The following AFAP1 variants were observed in gnomAD, a reference collection of about 807,000 sequenced individuals.
AFAP1 encodes the protein actin filament-associated protein 1.
Under a neutral mutation model 93.9 loss-of-function variants are expected in AFAP1, and 75 were observed. That is an observed-to-expected ratio of 0.80 (90% CI 0.66 to 0.97). The LOEUF (loss-of-function observed/expected upper bound fraction) is 0.97, where lower values mean the gene tolerates loss of function less well. Ranked by LOEUF, AFAP1 falls within the 50% of genes least tolerant of loss-of-function variation. The pLI is 0.00. For missense variants in AFAP1, 1,201 were observed against 1,050.8 expected, an observed-to-expected ratio of 1.14 and a Z score of -1.98; for synonymous variants, 517 against 430.7, an observed-to-expected ratio of 1.20 and a Z score of -2.48.
intron 6 of AFAP1, among the ~76,000 whole-genome samples, chr4:7,820,870 A>G (rs1282498980): frequency 1.3e-5 from 2 of 152,094 alleles, no homozygotes; most frequent in East Asian, 1.9e-4. Flanking sequence ...TGTAATCCCA[A>G]TGCTTTGGGA....
At chr4:7,846,648 T>C (rs1713735862) in intron 4 of AFAP1, among the ~76,000 whole-genome samples, 1 of 152,218 alleles carries the variant, frequency 6.6e-6, no homozygotes, top group Admixed American at 6.5e-5. Flanking sequence ...ATTCCACAAA[T>C]ATGTTGTGAG....
At chr4:7,857,881 GAC>G (rs144820992) in intron 3 of AFAP1, among the ~76,000 whole-genome samples, 14,181 of 152,104 alleles carry the variant, frequency 0.093, 1,221 homozygotes, top group East Asian at 0.48. Context: ...GTTCTGAGCA[GAC>G]ACTTTCAAAC....
At chr4:7,770,030 G>A (rs983797716) in intron 16 of AFAP1, among the ~76,000 whole-genome samples, 10 of 152,336 alleles carry the variant, frequency 6.6e-5, no homozygotes, top group Non-Finnish European at 1.2e-4. Context: ...GGGGTCCACC[G>A]AATAAGCCAC....
chr4:7,915,119 G>A (rs140751978), intron 1 of AFAP1, among the ~76,000 whole-genome samples: 3,298 of 152,226 alleles, frequency 0.022, 118 homozygotes, highest in African/African-American at 0.074. Context: ...CCTGACATCC[G>A]GTGATCTGCC....
At chr4:7,809,316 T>C (rs1719808738) in intron 9 of AFAP1, 1 of 195,368 alleles carries the variant, frequency 5.1e-6, no homozygotes, top group Admixed American at 6.0e-5. Context: ...CCCCTGCGTA[T>C]GTTGTCCTTT....
chr4:7,790,874 G>T (rs1717804430), intron 11 of AFAP1, among the ~76,000 whole-genome samples: 1 of 152,204 alleles, frequency 6.6e-6, no homozygotes, highest in African/African-American at 2.4e-5. Flanking sequence ...CAGTATTACT[G>T]GGGATTTTAT....
chr4:7,771,350 G>GTA (rs1377294247), intron 16 of AFAP1, among the ~76,000 whole-genome samples: 1 of 152,040 alleles, frequency 6.6e-6, no homozygotes, highest in Non-Finnish European at 1.5e-5. Flanking sequence ...ATGTGTGTAT[G>GTA]TACACACACA....
rs147853116 is a variant in AFAP1 at position 7,792,977 on chromosome 4, A to G, written c.1412+704T>C. Among the ~76,000 whole-genome samples the G allele has an allele frequency of 5.7e-3, 875 of 152,322 alleles. 45 individuals carry two copies. Among genetic ancestry groups the G allele is most frequent in the Admixed American group, 0.052 (794 of 15,302 alleles). On this transcript the variant is annotated intron_variant, in intron 11 of 17. Coordinates refer to ENST00000420658, the MANE Select transcript of AFAP1 (RefSeq NM_001134647.2). ...ACTAATGCAAATGTCCCAACAGTGGAAAAAGGAAACAATGTCTTAGTATAT... is the reference window on the plus strand; with the variant it reads ...ACTAATGCAAATGTCCCAACAGTGGGAAAAGGAAACAATGTCTTAGTATAT...
chr4:7,849,205 T>C (rs919550714), intron 4 of AFAP1, among the ~76,000 whole-genome samples: 1 of 152,172 alleles, frequency 6.6e-6, no homozygotes, highest in African/African-American at 2.4e-5. Flanking sequence ...GGCGTCTCTC[T>C]TGGTTTCTGA....
rs761347879 is a variant in AFAP1 at position 7,843,314 on chromosome 4, G to A, written c.371C>T (p.Ser124Leu). Residue 124 changes from serine to leucine, a missense_variant, in exon 5 of 18, where the codon TCG (serine) becomes TTG (leucine). Coordinates refer to ENST00000420658, the MANE Select transcript of AFAP1 (RefSeq NM_001134647.2). ...DSDAMSSSYE[S>L]YDEEEEDGKG... ...CCCATCCTCCTCCTCTTCATCATAC[G>A]ACTCATAAGAGCTGCTCATCGCATC... 9 of 1,613,712 alleles carry A rather than the reference G, an allele frequency of 5.6e-6. No homozygotes were observed. Among genetic ancestry groups the A allele is most frequent in the South Asian group, 1.1e-5 (1 of 91,038 alleles).
intron 12 of AFAP1, among the ~76,000 whole-genome samples, chr4:7,782,168 T>C (rs1417641365): frequency 6.6e-6 from 1 of 152,126 alleles, no homozygotes; most frequent in East Asian, 1.9e-4. Flanking sequence ...CTCACAGTCA[T>C]CCGGGGAAAA....
intron 1 of AFAP1, among the ~76,000 whole-genome samples, chr4:7,925,794 G>A (rs1435511524): frequency 4.6e-5 from 7 of 151,608 alleles, no homozygotes; most frequent in Admixed American, 1.3e-4. Context: ...ATGGTGAGTG[G>A]AGATCGTGCC....
In AFAP1 at chr4:7,809,763, A is replaced by G. The variant is rs761534299; in HGVS notation, c.905T>C (p.Val302Ala). Residue 302 changes from valine to alanine, a missense_variant and splice_region_variant, in exon 9 of 18, where the codon GTG becomes GCG. Transcript: ENST00000420658. ...GITTCNGKEQ[V>A]KRKKSSKSEA... ...TGATTTGGAACTTTTCTTCCTCTTC[A>G]CTGTCAAGAGTAACAACAGCAAAAA... 2.3e-5 allele frequency: 37 copies of G among 1,611,964 alleles called. No homozygotes were observed. The highest frequency in any genetic ancestry group is 3.4e-5 in the Admixed American group (2 of 59,674).
intron 1 of AFAP1, among the ~76,000 whole-genome samples, chr4:7,918,568 C>T: frequency 7.3e-6 from 1 of 136,386 alleles, no homozygotes; most frequent in Non-Finnish European, 1.5e-5. Flanking sequence ...ATGAGACACT[C>T]GGCCCAGATC....
intron 14 of AFAP1, chr4:7,777,239 A>G (rs1716226236): frequency 1.3e-5 from 2 of 152,242 alleles, no homozygotes; most frequent in Non-Finnish European, 2.9e-5. Context: ...ACATTCAGGA[A>G]ATAAGATTTG....
At chr4:7,899,771 T>C (rs1447395890) in intron 1 of AFAP1, among the ~76,000 whole-genome samples, 1 of 152,144 alleles carries the variant, frequency 6.6e-6, no homozygotes, top group Non-Finnish European at 1.5e-5. Flanking sequence ...GCTTCGAATA[T>C]GTTTGAACCA....
At chr4:7,800,383 G>T (rs550077306) in intron 10 of AFAP1, 59 bp downstream of exon 10, 38 of 1,566,894 alleles carry the variant, frequency 2.4e-5, no homozygotes, top group Middle Eastern at 2.0e-4. Flanking sequence ...TTCGCCTTTT[G>T]AAAGGAAGAT....
chr4:7,798,871 G>A, intron 10 of AFAP1: 1 of 989,498 alleles, frequency 1.0e-6, no homozygotes, highest in African/African-American at 1.7e-5. Context: ...CACTTGCCCA[G>A]CATCTCCCTC....
intron 10 of AFAP1, chr4:7,798,811 GCTC>G (rs1384091840): frequency 1.1e-6 from 1 of 890,178 alleles, no homozygotes; most frequent in Non-Finnish European, 1.3e-6. Context: ...TCACCAAACA[GCTC>G]CTGACTTCCA....
Sources: allele counts gnomAD v4.1 joint callset (sites outside exome capture counted in the v4.1 genomes callset), GRCh38; gene constraint gnomAD v4.1.1; transcripts MANE v1.5; gene names NCBI Gene and HGNC (gene_info 2026-07-23, HGNC 2026-07-21).